The following CALY variants were observed in gnomAD, a reference collection of about 807,000 sequenced individuals.
CALY encodes calcyon neuron specific vesicular protein, also known as neuron-specific vesicular protein calcyon.
In CALY, 15 loss-of-function variants were observed where a neutral mutation model predicts 20.2. That is an observed-to-expected ratio of 0.74 (90% CI 0.50 to 1.14). The LOEUF (loss-of-function observed/expected upper bound fraction) is 1.14, where lower values mean the gene tolerates loss of function less well. CALY is among the 50% of genes most tolerant of loss of function. The pLI is 0.00. For synonymous variants in CALY, 129 were observed against 131.8 expected, an observed-to-expected ratio of 0.98 and a Z score of 0.15; for missense variants, 270 against 304.4, an observed-to-expected ratio of 0.89 and a Z score of 0.84.
intron 3 of CALY, 30 bp downstream of exon 3, chr10:133,327,875 C>T (rs746623285): frequency 4.2e-6 from 6 of 1,445,188 alleles, no homozygotes; most frequent in South Asian, 1.2e-5. Context: ...TGTCCTGAGT[C>T]CCCACAGTGG....
At chr10:133,336,196 G>C (rs1287253399) in intron 1 of CALY, among the ~76,000 whole-genome samples, 3 of 152,186 alleles carry the variant, frequency 2.0e-5, no homozygotes, top group African/African-American at 7.2e-5. Flanking sequence ...TGCACTGCGG[G>C]GTCGGCGCAG....
intron 2 of CALY, among the ~76,000 whole-genome samples, chr10:133,328,454 C>T (rs1848250015): frequency 6.6e-6 from 1 of 152,220 alleles, no homozygotes; most frequent in Non-Finnish European, 1.5e-5. Flanking sequence ...GAGCTCTTTG[C>T]TTCTCCCCAG....
chr10:133,326,105 G>A lies in CALY; in HGVS notation c.376C>T (p.Pro126Ser). The change falls in exon 5 of 6, where the codon CCG (proline) becomes TCG (serine). Residue 126 changes from proline (P) to serine (S), a missense_variant. Physicochemically the swap from Pro to Ser is moderately conservative, Grantham distance 74. Coordinates refer to ENST00000252939, the MANE Select transcript of CALY (RefSeq NM_015722.4). The part of the protein sequence containing the change: ...GFLLRHKICT[P>S]LTLEMYYTEM... ...GTGTAGTACATCTCCAGGGTCAGCG[G>A]CGTGCAGATCTTGTGCTGCGGGAGG... The A allele has an allele frequency of 6.3e-7, 1 of 1,596,650 alleles. No individual in the cohort carries two copies. The highest frequency in any genetic ancestry group is 8.6e-7 in the Non-Finnish European group (1 of 1,168,414).
intron 2 of CALY, among the ~76,000 whole-genome samples, chr10:133,328,565 G>A (rs765301673): frequency 2.6e-5 from 4 of 152,250 alleles, no homozygotes; most frequent in East Asian, 1.9e-4. Context: ...GGTGGGAAGC[G>A]TTGCCTGCTG....
Position 133,328,859 on chromosome 10 carries a change from T to C in CALY, c.131A>G (p.Asp44Gly). Residue 44 changes from aspartate (D) to glycine (G), a missense_variant, in exon 2 of 6, where the codon GAC (aspartate) becomes GGC (glycine). Coordinates refer to ENST00000252939, the MANE Select transcript of CALY (RefSeq NM_015722.4). ...DISQLQPPLPDQVVIKTQTEY... is the reference protein window; with the variant it reads ...DISQLQPPLPGQVVIKTQTEY... ...CACGCTGGCCCAGGCCCTCACCTGGTCAGGGAGTGGCGGCTGGAGCTGGCT... is the reference window on the plus strand; with the variant it reads ...CACGCTGGCCCAGGCCCTCACCTGGCCAGGGAGTGGCGGCTGGAGCTGGCT... The C allele has an allele frequency of 6.4e-7, 1 of 1,552,794 alleles. No individual in the cohort carries two copies. The highest frequency in any genetic ancestry group is 8.7e-7 in the Non-Finnish European group (1 of 1,149,088).
Position 133,326,957 on chromosome 10 carries a change from G to T in CALY, c.281C>A (p.Ala94Glu). The change falls in exon 4 of 6, where the codon GCG becomes GAG. Residue 94 changes from alanine to glutamate, a missense_variant. Coordinates refer to ENST00000252939, the MANE Select transcript of CALY (RefSeq NM_015722.4). ...CATGATCAGCACGCAGCCCAGTAGCGCCATGGCGAAGGCGATCATCCGTGC... is the reference window on the plus strand; with the variant it reads ...CATGATCAGCACGCAGCCCAGTAGCTCCATGGCGAAGGCGATCATCCGTGC... ...PTARMIAFAM[A>E]LLGCVLIMYK... The T allele has an allele frequency of 6.2e-7, 1 of 1,610,562 alleles. No homozygotes were observed. Among genetic ancestry groups the T allele is most frequent in the Non-Finnish European group, 8.5e-7 (1 of 1,179,232 alleles).
Position 133,326,914 on chromosome 10 carries a change from G to C in CALY, c.324C>G (p.Tyr108Ter). The change falls in exon 4 of 6, where the codon TAC (tyrosine) becomes TAG (stop). Residue 108 changes from tyrosine to a stop codon, truncating the protein, a stop_gained. Coordinates refer to ENST00000252939, the MANE Select transcript of CALY (RefSeq NM_015722.4). LOFTEE classifies it high-confidence loss of function. ...AGCCGTCGGGGCAGGTGAACTGGTC[G>C]TACCAGATGGCCTTGTACATGATCA... The part of the protein sequence containing the change: ...CVLIMYKAIW[Y>*]DQFTCPDGFL... 1.2e-6 allele frequency: 2 copies of C among 1,610,540 alleles called. No individual in the cohort carries two copies. Among genetic ancestry groups the C allele is most frequent in the Non-Finnish European group, 8.5e-7 (1 of 1,179,250 alleles).
chr10:133,327,884 G>A (rs1285745509), intron 3 of CALY, 21 bp downstream of exon 3: 2 of 1,474,892 alleles, frequency 1.4e-6, no homozygotes. Context: ...TCCCCACAGT[G>A]GGTGGGGTGG....
At chr10:133,335,745 C>T (rs762549446) in intron 1 of CALY, among the ~76,000 whole-genome samples, 21 of 152,324 alleles carry the variant, frequency 1.4e-4, no homozygotes, top group Non-Finnish European at 2.6e-4. Flanking sequence ...CCCGGCCCCT[C>T]CCTGCACCTG....
At chr10:133,328,217 G>A (rs959340991) in intron 2 of CALY, among the ~76,000 whole-genome samples, 5 of 152,236 alleles carry the variant, frequency 3.3e-5, no homozygotes, top group African/African-American at 7.2e-5. Context: ...AAGTCTGTCT[G>A]CTGGGCGCAT....
rs1222200290 is a variant in CALY, at chr10:133,324,557, CAAT to C, written c.*1035_*1037del. 3.6e-4 allele frequency: 89 copies of C among 245,924 alleles called. 1 individual carries two copies. The highest frequency in any genetic ancestry group is 4.8e-4 in the Non-Finnish European group (62 of 128,640). 15.2% of individuals were successfully genotyped at this position (245,924 alleles called of 1,614,324 possible). On this transcript the variant is annotated 3_prime_UTR_variant, in exon 6 of 6. Transcript: ENST00000252939. Reference sequence around the variant, plus strand: ...TGGGGTGGGCGGGGCTGCAGTGCTGCAATTGGCTGGGGTGGGCGGGGCTGCAGA... The same window carrying C: ...TGGGGTGGGCGGGGCTGCAGTGCTGCTGGCTGGGGTGGGCGGGGCTGCAGA...
At chr10:133,329,085 G>A in intron 1 of CALY, 76 bp from the exon 2 acceptor site, 2 of 1,320,094 alleles carry the variant, frequency 1.5e-6, no homozygotes. Flanking sequence ...TGAAGCCAGA[G>A]GACCCTGAGC....
intron 1 of CALY, among the ~76,000 whole-genome samples, chr10:133,331,680 G>C (rs1461340766): frequency 1.3e-5 from 2 of 152,104 alleles, no homozygotes; most frequent in African/African-American, 4.8e-5. Flanking sequence ...TATGGATTTT[G>C]GGAGTTTCTA....
chr10:133,331,432 G>T (rs1157051336), intron 1 of CALY, among the ~76,000 whole-genome samples: 3 of 152,164 alleles, frequency 2.0e-5, no homozygotes, highest in Non-Finnish European at 4.4e-5. Flanking sequence ...AAGGTTGTTG[G>T]ATTTAAGGTA....
intron 3 of CALY, chr10:133,327,622 T>C: frequency 1.7e-6 from 1 of 599,544 alleles, no homozygotes; most frequent in Non-Finnish European, 3.0e-6. Context: ...AATGACCCAC[T>C]GGGCAAACAA....
chr10:133,330,019 A>G (rs923215728), intron 1 of CALY, among the ~76,000 whole-genome samples: 1 of 152,214 alleles, frequency 6.6e-6, no homozygotes, highest in African/African-American at 2.4e-5. Flanking sequence ...CGGGGCTGGG[A>G]GAGGGCGGGC....
intron 1 of CALY, among the ~76,000 whole-genome samples, chr10:133,336,549 C>G (rs1024462653): frequency 2.0e-5 from 3 of 152,116 alleles, no homozygotes; most frequent in Admixed American, 1.3e-4. Flanking sequence ...CCCGCCGTCA[C>G]GGGAAGCCTG....
At chr10:133,327,353 C>T (rs1253390573) in intron 3 of CALY, 10 of 491,528 alleles carry the variant, frequency 2.0e-5, no homozygotes, top group Non-Finnish European at 3.6e-5. Flanking sequence ...ACTCACCAGG[C>T]CTCCCAGGTG....
intron 1 of CALY, among the ~76,000 whole-genome samples, chr10:133,336,302 C>T (rs1300028958): frequency 4.6e-5 from 7 of 152,104 alleles, no homozygotes; most frequent in East Asian, 1.9e-4. Flanking sequence ...TCCGGAGCCG[C>T]GCCCCTCCCG....
Sources: gnomAD v4.1 joint callset for allele counts (sites outside exome capture counted in the v4.1 genomes callset) on GRCh38, gnomAD v4.1.1 for gene constraint, MANE v1.5 for transcripts, NCBI Gene and HGNC (gene_info 2026-07-23, HGNC 2026-07-21) for gene names.